The following CBX5 variants were observed in gnomAD, a reference collection of about 807,000 sequenced individuals.
The protein encoded by CBX5 is chromobox 5, also known as chromobox protein homolog 5.
In CBX5, 7 loss-of-function variants were observed where a neutral mutation model predicts 20.7. That is an observed-to-expected ratio of 0.34 (90% confidence interval 0.19 to 0.63). The LOEUF is 0.63. Ranked by LOEUF, CBX5 falls within the 30% of genes least tolerant of loss-of-function variation. The pLI is 0.75. For synonymous variants in CBX5, 78 were observed against 77.0 expected (o/e 1.01, Z -0.07); for missense variants, 110 against 224.1 (o/e 0.49, Z 3.25).
At chr12:54,263,998 G>A (rs771052782) in intron 1 of CBX5, among the ~76,000 whole-genome samples, 1 of 152,010 alleles carries the variant, frequency 6.6e-6, no homozygotes, top group Non-Finnish European at 1.5e-5. Flanking sequence ...AGCCGAGATC[G>A]CACCACTGCA....
chr12:54,239,150 A>G lies in CBX5; in HGVS notation c.*2605T>C, dbSNP rs1233369298. 1 of 152,258 alleles carries G rather than the reference A, an allele frequency of 6.6e-6. No homozygotes were observed. Among genetic ancestry groups the G allele is most frequent in the Non-Finnish European group, 1.5e-5 (1 of 68,050 alleles). The allele number at this position is 152,258 out of a possible 1,614,324, so 9.4% of individuals were successfully genotyped here. On this transcript the variant is annotated 3_prime_UTR_variant, in exon 5 of 5. Coordinates refer to ENST00000209875, the MANE Select transcript of CBX5 (RefSeq NM_012117.3). ...AACAAAAGTTGTTTTGGCGGCACTC[A>G]GTACAATAAACCGAAGACAAAAAAG...
Position 54,232,310 on chromosome 12 carries a change from T to C in CBX5, c.*9445A>G, listed in dbSNP as rs1005511336. On this transcript the variant is annotated 3_prime_UTR_variant, in exon 5 of 5. Transcript: ENST00000209875. ...GAAAATTTGCCGAGTCACTAAGTAG[T>C]TCCAGTCTTGGAGACAGCTCAGTGA... 6.6e-6 allele frequency: 1 copy of C among 152,322 alleles called. No individual in the cohort carries two copies. Among genetic ancestry groups the C allele is most frequent in the African/African-American group, 2.4e-5 (1 of 41,438 alleles). The allele number at this position is 152,322 out of a possible 1,614,324, so 9.4% of individuals were successfully genotyped here.
chr12:54,256,170 A>C (rs571316680), intron 2 of CBX5, among the ~76,000 whole-genome samples: 1 of 152,282 alleles, frequency 6.6e-6, no homozygotes, highest in Non-Finnish European at 1.5e-5. Context: ...AAATATTTCC[A>C]GTGGAAATGG....
intron 1 of CBX5, among the ~76,000 whole-genome samples, chr12:54,265,059 G>C (rs941778998): frequency 2.0e-5 from 3 of 152,170 alleles, no homozygotes; most frequent in Non-Finnish European, 4.4e-5. Context: ...CATATGCAAA[G>C]CTCCCTATCA....
rs1943812903 is a variant in CBX5, at chr12:54,252,229, T to C, written c.138-2A>G. On this transcript the variant is annotated splice_acceptor_variant, in intron 2 of 4. Transcript: ENST00000209875. LOFTEE classifies it high-confidence loss of function. ...TCAGGTTCCCAAGTATTGTGCTCCC[T>C]GGGTAAGAAAAATGGGAAAATTAAA... 1 of 1,504,440 alleles carries C rather than the reference T, an allele frequency of 6.6e-7. No homozygotes were observed. Among genetic ancestry groups the C allele is most frequent in the Non-Finnish European group, 8.9e-7 (1 of 1,124,010 alleles). The allele number at this position is 1,504,440 out of a possible 1,614,324, so 93.2% of individuals were successfully genotyped here. A position where few individuals can be genotyped will look rare whatever the true frequency, so the allele number is the denominator to read the frequency against.
intron 3 of CBX5, among the ~76,000 whole-genome samples, chr12:54,251,084 T>C (rs961644792): frequency 6.6e-6 from 1 of 151,330 alleles, no homozygotes; most frequent in Non-Finnish European, 1.5e-5. Flanking sequence ...TGAGCCAAGA[T>C]CGCACTATTG....
chr12:54,261,799 C>T (rs764728370), intron 1 of CBX5, among the ~76,000 whole-genome samples: 3 of 152,172 alleles, frequency 2.0e-5, no homozygotes, highest in African/African-American at 7.2e-5. Context: ...CATCTAACCC[C>T]GGCATCATTT....
chr12:54,259,550 G>A (rs914014858), intron 1 of CBX5: 5 of 152,664 alleles, frequency 3.3e-5, no homozygotes, highest in African/African-American at 9.7e-5. Flanking sequence ...GCTAACAGGA[G>A]GGGCCTCCCC....
chr12:54,244,943 G>A (rs76669280), intron 4 of CBX5, among the ~76,000 whole-genome samples: 3,406 of 152,032 alleles, frequency 0.022, 64 homozygotes, highest in Middle Eastern at 0.051. Context: ...CAGGCCCATG[G>A]TCTTACAGTA....
intron 1 of CBX5, among the ~76,000 whole-genome samples, chr12:54,265,785 G>A (rs1262245234): frequency 6.6e-6 from 1 of 152,180 alleles, no homozygotes; most frequent in Non-Finnish European, 1.5e-5. Context: ...GCTCACGGCT[G>A]TAATCCCAGC....
At chr12:54,253,825 T>C (rs1943833452) in intron 2 of CBX5, among the ~76,000 whole-genome samples, 1 of 150,460 alleles carries the variant, frequency 6.6e-6, no homozygotes, top group Non-Finnish European at 1.5e-5. Flanking sequence ...TGCAGTGGTG[T>C]GATATCGGCT....
chr12:54,262,397 G>A (rs981414647), intron 1 of CBX5, among the ~76,000 whole-genome samples: 3 of 152,170 alleles, frequency 2.0e-5, no homozygotes, highest in South Asian at 4.1e-4. Flanking sequence ...CACATGGGCC[G>A]AGGTCCTTTT....
chr12:54,251,177 C>G (rs1943797014), intron 3 of CBX5, among the ~76,000 whole-genome samples: 1 of 147,474 alleles, frequency 6.8e-6, no homozygotes, highest in Non-Finnish European at 1.5e-5. Flanking sequence ...TTTCAAAGCC[C>G]CGGCTGGGCA....
intron 3 of CBX5, among the ~76,000 whole-genome samples, chr12:54,249,751 T>C (rs1343535716): frequency 6.6e-6 from 1 of 152,174 alleles, no homozygotes; most frequent in Non-Finnish European, 1.5e-5. Context: ...ACAGTGCTTA[T>C]GCTACTTACT....
intron 2 of CBX5, among the ~76,000 whole-genome samples, chr12:54,252,676 C>G (rs1409965214): frequency 6.6e-6 from 1 of 152,056 alleles, no homozygotes; most frequent in Non-Finnish European, 1.5e-5. Context: ...CTGGGAAAGA[C>G]AAATTTATAG....
chr12:54,242,152 AAAGATG>A (rs1264783316), intron 4 of CBX5, among the ~76,000 whole-genome samples: 1 of 152,196 alleles, frequency 6.6e-6, no homozygotes, highest in East Asian at 1.9e-4. Flanking sequence ...CTTAGGTTAA[AAAGATG>A]AATAATAAAT....
In CBX5 at chr12:54,241,713, T is replaced by C. The variant is rs370145323; in HGVS notation, c.*42A>G. ...AAAGGAGAGGAGGCAGGGAGGTGAATGTATTATGTACAAAGAGAAATGACA... is the reference window on the plus strand; with the variant it reads ...AAAGGAGAGGAGGCAGGGAGGTGAACGTATTATGTACAAAGAGAAATGACA... On this transcript the variant is annotated 3_prime_UTR_variant, in exon 5 of 5. Coordinates refer to ENST00000209875, the MANE Select transcript of CBX5 (RefSeq NM_012117.3). 6.4e-7 allele frequency: 1 copy of C among 1,566,472 alleles called. No homozygotes were observed. Among genetic ancestry groups the C allele is most frequent in the African/African-American group, 1.4e-5 (1 of 72,692 alleles).
chr12:54,237,540 A>T lies in CBX5; in HGVS notation c.*4215T>A, dbSNP rs1943635631. 6.5e-6 allele frequency: 1 copy of T among 152,794 alleles called. No individual in the cohort carries two copies. Among genetic ancestry groups the T allele is most frequent in the South Asian group, 2.1e-4 (1 of 4,838 alleles). The allele number at this position is 152,794 out of a possible 1,614,324, so 9.5% of individuals were successfully genotyped here. On this transcript the variant is annotated 3_prime_UTR_variant, in exon 5 of 5. Coordinates refer to ENST00000209875, the MANE Select transcript of CBX5 (RefSeq NM_012117.3). ...TAAGACTTCGATTTTTGATACCAAC[A>T]ATGTCCCCAAACCAAACTTAACAAA...
chr12:54,243,770 G>A (rs1308468270), intron 4 of CBX5, among the ~76,000 whole-genome samples: 3 of 151,650 alleles, frequency 2.0e-5, no homozygotes, highest in Non-Finnish European at 4.4e-5. Flanking sequence ...TTAGGTGGCT[G>A]AGGGATGAGA....
Sources: gnomAD v4.1 joint callset for allele counts (sites outside exome capture counted in the v4.1 genomes callset) on GRCh38, gnomAD v4.1.1 for gene constraint, MANE v1.5 for transcripts, NCBI Gene and HGNC (gene_info 2026-07-23, HGNC 2026-07-21) for gene names.